RIT2: variants seen among roughly 807,000 people sequenced by gnomAD.
RIT2 encodes GTP-binding protein Rit2.
In RIT2, 24 loss-of-function variants were observed where a neutral mutation model predicts 23.7. The observed-to-expected ratio is 1.01, with a 90% confidence interval of 0.73 to 1.43. The LOEUF (loss-of-function observed/expected upper bound fraction) is 1.43. RIT2 is among the 40% of genes most tolerant of loss of function. The pLI is 0.00. For missense variants in RIT2, 236 were observed against 266.9 expected, an observed-to-expected ratio of 0.88 and a Z score of 0.81; for synonymous variants, 107 against 91.1, an observed-to-expected ratio of 1.17 and a Z score of -0.99.
At chr18:42,943,681 T>A (rs1909658375) in intron 3 of RIT2, among the ~76,000 whole-genome samples, 1 of 152,160 alleles carries the variant, frequency 6.6e-6, no homozygotes, top group Non-Finnish European at 1.5e-5. Flanking sequence ...AAATAGGTCA[T>A]AGGAAGTTAA....
intron 1 of RIT2, among the ~76,000 whole-genome samples, chr18:43,075,550 C>T (rs925220549): frequency 1.3e-5 from 2 of 152,144 alleles, no homozygotes; most frequent in African/African-American, 4.8e-5. Context: ...TAAAGAATGA[C>T]TTTTTATAGA....
At chr18:42,923,461 G>A in intron 4 of RIT2, 111 bp downstream of exon 4, 1 of 880,388 alleles carries the variant, frequency 1.1e-6, no homozygotes, top group Non-Finnish European at 1.8e-6. Context: ...AAAATCATGT[G>A]CATAATTTCT....
intron 4 of RIT2, among the ~76,000 whole-genome samples, chr18:42,837,800 A>C (rs1906660269): frequency 6.6e-6 from 1 of 152,086 alleles, no homozygotes; most frequent in African/African-American, 2.4e-5. Context: ...ATTTACATGT[A>C]ATTAAAAAAA....
At chr18:42,812,668 G>A (rs986516031) in intron 4 of RIT2, among the ~76,000 whole-genome samples, 6 of 152,074 alleles carry the variant, frequency 3.9e-5, no homozygotes, top group African/African-American at 1.2e-4. Context: ...GATCTTCAAT[G>A]TGTTTTATGG....
intron 2 of RIT2, among the ~76,000 whole-genome samples, chr18:42,985,262 A>G (rs1286121920): frequency 6.6e-6 from 1 of 152,160 alleles, no homozygotes; most frequent in South Asian, 2.1e-4. Context: ...GATGTTATGA[A>G]GAAAGTTAAA....
intron 4 of RIT2, among the ~76,000 whole-genome samples, chr18:42,847,085 T>G (rs1398474855): frequency 6.6e-6 from 1 of 152,108 alleles, no homozygotes; most frequent in Admixed American, 6.6e-5. Context: ...TGCCATGCGG[T>G]AAAAGGTCTT....
At chr18:42,979,887 C>T (rs1156399436) in intron 2 of RIT2, among the ~76,000 whole-genome samples, 1 of 152,066 alleles carries the variant, frequency 6.6e-6, no homozygotes, top group African/African-American at 2.4e-5. Flanking sequence ...ATGAGTGCTA[C>T]ATTAGAAGTA....
At chr18:42,777,285 CAAAAA>C in intron 4 of RIT2, among the ~76,000 whole-genome samples, 1 of 127,966 alleles carries the variant, frequency 7.8e-6, no homozygotes. Flanking sequence ...GTCTGGACTT[CAAAAA>C]AAAAAAAAAA....
intron 4 of RIT2, among the ~76,000 whole-genome samples, chr18:42,899,009 G>A (rs180849125): frequency 2.9e-4 from 44 of 151,920 alleles, no homozygotes; most frequent in Admixed American, 2.6e-3. Flanking sequence ...TCTTCATTGT[G>A]GTAATTAATA....
intron 4 of RIT2, among the ~76,000 whole-genome samples, chr18:42,780,701 G>A (rs1043219254): frequency 1.3e-5 from 2 of 152,166 alleles, no homozygotes; most frequent in East Asian, 1.9e-4. Flanking sequence ...TTTGTCAGTC[G>A]TAATATCTTT....
chr18:43,053,718 A>G (rs1912437132), intron 1 of RIT2, among the ~76,000 whole-genome samples: 1 of 152,274 alleles, frequency 6.6e-6, no homozygotes, highest in East Asian at 1.9e-4. Flanking sequence ...TGAAGAAAAT[A>G]AAAGGCATTA....
chr18:42,856,914 C>T (rs1907200016), intron 4 of RIT2, among the ~76,000 whole-genome samples: 1 of 146,280 alleles, frequency 6.8e-6, no homozygotes, highest in Admixed American at 7.1e-5. Context: ...ACTGAAAGCT[C>T]CGCCTCCCAG....
chr18:43,036,568 G>T (rs929824854), intron 1 of RIT2, among the ~76,000 whole-genome samples: 1 of 145,210 alleles, frequency 6.9e-6, no homozygotes, highest in African/African-American at 2.6e-5. Context: ...AGCCTGCCCC[G>T]CAAAAACAAA....
At chr18:43,103,798 A>C (rs1360644402) in intron 1 of RIT2, among the ~76,000 whole-genome samples, 1 of 152,228 alleles carries the variant, frequency 6.6e-6, no homozygotes, top group Non-Finnish European at 1.5e-5. Context: ...GTTGGAATAA[A>C]GTAAGATATC....
intron 2 of RIT2, among the ~76,000 whole-genome samples, chr18:43,025,226 C>CAA (rs1282557268): frequency 3.7e-5 from 4 of 108,866 alleles, no homozygotes; most frequent in African/African-American, 1.3e-4. Flanking sequence ...CAAAACAAAA[C>CAA]AAAAAAAAAA....
At chr18:42,765,972 T>C (rs1364476883) in intron 4 of RIT2, among the ~76,000 whole-genome samples, 3 of 152,150 alleles carry the variant, frequency 2.0e-5, no homozygotes, top group African/African-American at 7.2e-5. Context: ...ACGTAAGAAG[T>C]GTCTTTCACC....
chr18:42,751,789 T>G (rs1377880370), intron 4 of RIT2, among the ~76,000 whole-genome samples: 2 of 152,086 alleles, frequency 1.3e-5, no homozygotes, highest in African/African-American at 4.8e-5. Flanking sequence ...AATATCTAAA[T>G]GGAAATTATA....
chr18:42,885,361 G>A (rs1376890971), intron 4 of RIT2, among the ~76,000 whole-genome samples: 2 of 152,196 alleles, frequency 1.3e-5, no homozygotes, highest in Admixed American at 1.3e-4. Flanking sequence ...CAAGGTGGGT[G>A]GATCATGAGG....
At chr18:42,923,942 T>C (rs1909119020) in intron 3 of RIT2, among the ~76,000 whole-genome samples, 179 bp from the exon 4 acceptor site, 1 of 152,062 alleles carries the variant, frequency 6.6e-6, no homozygotes, top group African/African-American at 2.4e-5. Flanking sequence ...AATTTTTACT[T>C]ATAGACTCTT....
Sources: gnomAD v4.1 joint callset for allele counts (sites outside exome capture counted in the v4.1 genomes callset) on GRCh38, gnomAD v4.1.1 for gene constraint, MANE v1.5 for transcripts, NCBI Gene and HGNC (gene_info 2026-07-23, HGNC 2026-07-21) for gene names.